Variants in POLA1 observed in about 807,000 individuals in gnomAD.
POLA1 encodes the protein DNA polymerase alpha catalytic subunit.
A neutral mutation model predicts 124.0 loss-of-function variants in POLA1; 15 were observed. The observed-to-expected ratio is 0.12, with a 90% CI of 0.08 to 0.19. The LOEUF is 0.19. Among genes scored for constraint, POLA1 ranks in the 10% least tolerant of loss-of-function variants. POLA1 has a pLI of 1.00. For missense variants in POLA1, 886 were observed against 1,103.4 expected (o/e 0.80, Z 2.79); for synonymous variants, 408 against 389.4 (o/e 1.05, Z -0.56).
At chrX:24,796,127 G>A (rs58284327) in intron 26 of POLA1, among the ~76,000 whole-genome samples, 1 of 110,743 alleles carries the variant, frequency 9.0e-6, no homozygotes, top group African/African-American at 3.3e-5. Flanking sequence ...TGGTTATGTA[G>A]GTGTAGAGGG....
At chrX:24,906,724 C>T (rs2047371688) in intron 35 of POLA1, among the ~76,000 whole-genome samples, 1 of 110,128 alleles carries the variant, frequency 9.1e-6, no homozygotes, top group Non-Finnish European at 1.9e-5. Flanking sequence ...ATAATGGTCT[C>T]CACCCTCCTG....
At chrX:24,711,308 A>G (rs946194000) in intron 4 of POLA1, among the ~76,000 whole-genome samples, 2 of 112,473 alleles carry the variant, frequency 1.8e-5, no homozygotes, top group African/African-American at 6.5e-5. Context: ...AACAAAAGAT[A>G]ATGTTATAGA....
intron 4 of POLA1, among the ~76,000 whole-genome samples, chrX:24,713,656 C>T (rs1474363366): frequency 1.8e-5 from 2 of 111,780 alleles, no homozygotes; most frequent in South Asian, 7.6e-4. Flanking sequence ...ATCTCGTGAT[C>T]CGCCCGCCTC....
intron 26 of POLA1, among the ~76,000 whole-genome samples, chrX:24,765,267 C>G (rs1194820168): frequency 9.4e-6 from 1 of 106,357 alleles, no homozygotes; most frequent in Admixed American, 1.0e-4. Flanking sequence ...ATGTCACCTT[C>G]TTGTGTGTGC....
Position 24,826,457 on chromosome X carries a change from G to T in POLA1, c.3592G>T (p.Ala1198Ser). Residue 1198 changes from alanine to serine, a missense_variant, in exon 32 of 37, where the codon GCC becomes TCC. Around this residue, in one of 7 missense-constraint regions of POLA1, gnomAD observed 313 missense variants for 359.7 expected, o/e 0.87. Coordinates refer to ENST00000379068, the MANE Select transcript of POLA1 (RefSeq NM_001330360.2). ...DGSNLTASQR[A>S]YAPEQLQKQD... ...ATCAAACCTCACTGCAAGTCAGAGG[G>T]CCTATGCGCCTGAGCAGCTGCAGAA... is the stretch of plus-strand genomic sequence containing the variant. The T allele has an allele frequency of 8.3e-7, 1 of 1,204,751 alleles. No individual in the cohort carries two copies. Among genetic ancestry groups the T allele is most frequent in the South Asian group, 1.8e-5 (1 of 56,079 alleles).
intron 6 of POLA1, among the ~76,000 whole-genome samples, chrX:24,715,966 T>C (rs1929800276): frequency 9.0e-6 from 1 of 111,605 alleles, no homozygotes; most frequent in Admixed American, 9.5e-5. Flanking sequence ...ATTGTGAATT[T>C]GAGATTTGGC....
intron 26 of POLA1, among the ~76,000 whole-genome samples, chrX:24,783,644 AT>A (rs1233042764): frequency 9.0e-6 from 1 of 111,280 alleles, no homozygotes; most frequent in Non-Finnish European, 1.9e-5. Flanking sequence ...TTCTTGATTT[AT>A]TTTTTTTAAG....
At chrX:24,736,278 C>G in intron 18 of POLA1, among the ~76,000 whole-genome samples, 1 of 111,939 alleles carries the variant, frequency 8.9e-6, no homozygotes, top group Non-Finnish European at 1.9e-5. Context: ...AACTGTATAG[C>G]TAGCATCCTG....
intron 35 of POLA1, among the ~76,000 whole-genome samples, chrX:24,907,899 G>A (rs927569405): frequency 6.2e-5 from 7 of 112,039 alleles, no homozygotes; most frequent in Non-Finnish European, 9.4e-5. Context: ...GGTTTTCAAT[G>A]TACATAGACA....
At chrX:24,948,200 T>C (rs1035638848) in intron 36 of POLA1, among the ~76,000 whole-genome samples, 2 of 112,067 alleles carry the variant, frequency 1.8e-5, no homozygotes, top group African/African-American at 6.5e-5. Flanking sequence ...TTCCGACTGA[T>C]GAATTACAAA....
chrX:24,911,564 G>A, intron 35 of POLA1, among the ~76,000 whole-genome samples: 1 of 110,113 alleles, frequency 9.1e-6, no homozygotes. Context: ...AAAAAGAAGA[G>A]TAAAAGCCAA....
intron 36 of POLA1, among the ~76,000 whole-genome samples, chrX:24,966,117 T>C (rs191668606): frequency 8.9e-6 from 1 of 112,536 alleles, no homozygotes; most frequent in East Asian, 2.8e-4. Flanking sequence ...TTGCAGAGTT[T>C]TCATTTGAAA....
At chrX:24,777,328 A>G (rs2045159750) in intron 26 of POLA1, among the ~76,000 whole-genome samples, 1 of 112,670 alleles carries the variant, frequency 8.9e-6, no homozygotes, top group Non-Finnish European at 1.9e-5. Flanking sequence ...CATTCTGAGC[A>G]ACTAACTTTG....
intron 36 of POLA1, among the ~76,000 whole-genome samples, chrX:24,985,118 G>A (rs1321265853): frequency 8.9e-6 from 1 of 112,225 alleles, no homozygotes; most frequent in Non-Finnish European, 1.9e-5. Flanking sequence ...TGTCTCTTCT[G>A]TTTAACTTAT....
chrX:24,791,235 C>T (rs1362986331), intron 26 of POLA1, among the ~76,000 whole-genome samples: 1 of 111,120 alleles, frequency 9.0e-6, no homozygotes, highest in Non-Finnish European at 1.9e-5. Context: ...GTCATCTATC[C>T]TCATTCCTTG....
At chrX:24,788,241 A>G (rs1431604714) in intron 26 of POLA1, among the ~76,000 whole-genome samples, 1 of 111,697 alleles carries the variant, frequency 9.0e-6, no homozygotes, top group Admixed American at 9.5e-5. Context: ...ATGTATGACA[A>G]GCCCACAGCT....
intron 36 of POLA1, among the ~76,000 whole-genome samples, chrX:24,938,136 G>T (rs937368523): frequency 8.9e-6 from 1 of 112,448 alleles, no homozygotes; most frequent in Non-Finnish European, 1.9e-5. Flanking sequence ...AACTAAGGCC[G>T]GGCACAGTGG....
Position 24,693,938 on chromosome X carries a change from C to T in POLA1, c.-24C>T, listed in dbSNP as rs1927781088. On this transcript the variant is annotated 5_prime_UTR_variant, in exon 1 of 37. Coordinates refer to ENST00000379068, the MANE Select transcript of POLA1 (RefSeq NM_001330360.2). ...CCCGCGCCAGTTTTGGGCTGGTTGG[C>T]GCGGAATCGGGAGATTCGGGACCAT... is the stretch of plus-strand genomic sequence containing the variant. 8.4e-7 allele frequency: 1 copy of T among 1,185,334 alleles called. No individual in the cohort carries two copies.
intron 36 of POLA1, among the ~76,000 whole-genome samples, chrX:24,955,155 G>GTT (rs1223709834): frequency 1.0e-5 from 1 of 100,144 alleles, no homozygotes; most frequent in South Asian, 4.4e-4. Context: ...TTTGTTTTTG[G>GTT]TTTTTTTTTT....
Sources: gnomAD v4.1 joint callset for allele counts (sites outside exome capture counted in the v4.1 genomes callset) on GRCh38, gnomAD v4.1.1 for gene constraint, gnomAD v4.1.1 regional missense constraint, MANE v1.5 for transcripts, NCBI Gene and HGNC (gene_info 2026-07-23, HGNC 2026-07-21) for gene names.